The following ERBB4 variants were observed in gnomAD, a reference collection of about 807,000 sequenced individuals.
The protein encoded by ERBB4 is receptor tyrosine-protein kinase erbB-4.
Under a neutral mutation model 158.0 loss-of-function variants are expected in ERBB4, and 42 were observed. The observed-to-expected ratio is 0.27, with a 90% CI of 0.21 to 0.34. ERBB4 has a LOEUF of 0.34. Ranked by LOEUF, ERBB4 falls within the 10% of genes least tolerant of loss-of-function variation. ERBB4 has a pLI of 1.00. For missense variants in ERBB4, 1,333 were observed against 1,624.1 expected, an observed-to-expected ratio of 0.82 and a Z score of 3.08; for synonymous variants, 583 against 558.7, an observed-to-expected ratio of 1.04 and a Z score of -0.61.
At chr2:212,416,124 T>C (rs774241445) in intron 1 of ERBB4, among the ~76,000 whole-genome samples, 12 of 152,148 alleles carry the variant, frequency 7.9e-5, no homozygotes, top group Non-Finnish European at 1.6e-4. Context: ...ATTGCTAGTG[T>C]GATTGAAGAG....
chr2:211,776,277 A>G (rs2075872743), intron 4 of ERBB4, among the ~76,000 whole-genome samples: 1 of 152,190 alleles, frequency 6.6e-6, no homozygotes, highest in African/African-American at 2.4e-5. Flanking sequence ...GCCGAGTTCT[A>G]TTAGCTTGTG....
intron 2 of ERBB4, among the ~76,000 whole-genome samples, chr2:212,028,176 C>T (rs1219403652): frequency 1.3e-5 from 2 of 151,988 alleles, no homozygotes; most frequent in East Asian, 3.9e-4. Context: ...TGTCCTGTCA[C>T]ATCAGTAGAA....
At chr2:211,780,012 T>TTA (rs1338862513) in intron 4 of ERBB4, among the ~76,000 whole-genome samples, 29 of 152,096 alleles carry the variant, frequency 1.9e-4, no homozygotes, top group Admixed American at 1.9e-3. Flanking sequence ...TTTTTTATAA[T>TTA]TATACACACA....
chr2:211,501,505 A>AAC (rs1553549943), intron 20 of ERBB4, among the ~76,000 whole-genome samples: 1 of 151,626 alleles, frequency 6.6e-6, no homozygotes, highest in Non-Finnish European at 1.5e-5. Context: ...ATTAAAAAAA[A>AAC]CAGCATAAAT....
At chr2:212,362,211 T>C (rs2089714211) in intron 1 of ERBB4, among the ~76,000 whole-genome samples, 1 of 151,494 alleles carries the variant, frequency 6.6e-6, no homozygotes, top group South Asian at 2.1e-4. Context: ...AAGTATGACT[T>C]TCAAATCTGT....
intron 25 of ERBB4, among the ~76,000 whole-genome samples, chr2:211,398,143 T>C (rs1367807833): frequency 6.6e-6 from 1 of 152,144 alleles, no homozygotes; most frequent in Non-Finnish European, 1.5e-5. Flanking sequence ...TATCAATAAC[T>C]TATCCAGCTG....
chr2:211,698,123 CCTAA>C (rs1410234279), intron 12 of ERBB4, among the ~76,000 whole-genome samples: 2 of 151,918 alleles, frequency 1.3e-5, no homozygotes, highest in Non-Finnish European at 2.9e-5. Context: ...TCAAGACCAG[CCTAA>C]CTAACATGGA....
intron 20 of ERBB4, among the ~76,000 whole-genome samples, chr2:211,432,734 T>C (rs1267486689): frequency 6.6e-6 from 1 of 152,108 alleles, no homozygotes; most frequent in African/African-American, 2.4e-5. Flanking sequence ...CACCTTCATA[T>C]CAGAACACGG....
chr2:211,693,935 G>T (rs568842774), intron 12 of ERBB4, among the ~76,000 whole-genome samples: 3 of 152,096 alleles, frequency 2.0e-5, no homozygotes, highest in Admixed American at 1.3e-4. Context: ...TCCAATAGTC[G>T]CTTCTGCTGT....
At chr2:211,561,069 T>C (rs1014393231) in intron 20 of ERBB4, among the ~76,000 whole-genome samples, 10 of 152,166 alleles carry the variant, frequency 6.6e-5, no homozygotes, top group African/African-American at 2.2e-4. Context: ...TCTCTAGAAA[T>C]AGAAAATTAT....
intron 2 of ERBB4, among the ~76,000 whole-genome samples, chr2:211,948,747 A>C (rs938365671): frequency 6.6e-6 from 1 of 151,934 alleles, no homozygotes; most frequent in Non-Finnish European, 1.5e-5. Flanking sequence ...AACCCTTTTC[A>C]TTTCAGATGC....
chr2:211,604,100 AT>A (rs2068895070), intron 19 of ERBB4, among the ~76,000 whole-genome samples: 2 of 152,200 alleles, frequency 1.3e-5, no homozygotes, highest in African/African-American at 4.8e-5. Context: ...GTAGTCTAAC[AT>A]ATAGGTCAAT....
chr2:212,112,049 TA>T (rs1467394273), intron 2 of ERBB4, among the ~76,000 whole-genome samples: 2 of 152,140 alleles, frequency 1.3e-5, no homozygotes, highest in Non-Finnish European at 2.9e-5. Flanking sequence ...ACAGGATCTC[TA>T]AAAAACTTCT....
intron 19 of ERBB4, among the ~76,000 whole-genome samples, chr2:211,592,132 A>T (rs891732378): frequency 6.6e-6 from 1 of 152,204 alleles, no homozygotes; most frequent in African/African-American, 2.4e-5. Flanking sequence ...GGAAGTAAAC[A>T]GTTCCAGATG....
intron 1 of ERBB4, among the ~76,000 whole-genome samples, chr2:212,307,678 T>C (rs1479351209): frequency 6.6e-6 from 1 of 151,214 alleles, no homozygotes; most frequent in African/African-American, 2.4e-5. Context: ...AAATAAGAAT[T>C]ATTTTGTGTC....
At chr2:212,535,034 T>C (rs1402716556) in intron 1 of ERBB4, among the ~76,000 whole-genome samples, 1 of 152,070 alleles carries the variant, frequency 6.6e-6, no homozygotes, top group Non-Finnish European at 1.5e-5. Flanking sequence ...TTCAACAAAA[T>C]TTCACTTTCT....
intron 7 of ERBB4, among the ~76,000 whole-genome samples, chr2:211,714,874 G>C (rs11685450): frequency 0.65 from 99,115 of 152,038 alleles, 33,005 homozygotes; most frequent in African/African-American, 0.77. Flanking sequence ...TGGTTAAGAG[G>C]CCCCCATGCC....
intron 2 of ERBB4, among the ~76,000 whole-genome samples, chr2:211,980,490 C>A (rs1245511229): frequency 3.3e-5 from 5 of 152,046 alleles, no homozygotes. Context: ...TTTTACAGGC[C>A]CCTGGGAGAT....
intron 20 of ERBB4, among the ~76,000 whole-genome samples, chr2:211,462,922 G>C (rs966952539): frequency 2.6e-5 from 4 of 152,072 alleles, no homozygotes; most frequent in African/African-American, 7.2e-5. Context: ...ACAAGAAAAA[G>C]TAACACATCT....
Sources: allele counts gnomAD v4.1 joint callset (sites outside exome capture counted in the v4.1 genomes callset), GRCh38; gene constraint gnomAD v4.1.1; transcripts MANE v1.5; gene names NCBI Gene and HGNC (gene_info 2026-07-23, HGNC 2026-07-21).